Variants in PBRM1 observed in about 807,000 individuals in gnomAD.
The protein encoded by PBRM1 is protein polybromo-1.
Under a neutral mutation model 194.5 loss-of-function variants are expected in PBRM1, and 27 were observed. That is an observed-to-expected ratio of 0.14 (90% CI 0.10 to 0.19). PBRM1 has a LOEUF of 0.19. PBRM1 is among the 10% of genes least tolerant of loss of function. PBRM1 has a pLI of 1.00. For synonymous variants in PBRM1, 655 were observed against 693.2 expected, an observed-to-expected ratio of 0.94 and a Z score of 0.87; for missense variants, 1,466 against 2,077.2, an observed-to-expected ratio of 0.71 and a Z score of 5.72.
At chr3:52,684,470 A>G (rs1007104633), upstream of PBRM1, among the ~76,000 whole-genome samples, 1 of 152,196 alleles carries the variant, frequency 6.6e-6, no homozygotes, top group Non-Finnish European at 1.5e-5. Flanking sequence ...CATGTTTAAA[A>G]CAAAATCTTG....
In PBRM1 at chr3:52,587,803, C is replaced by T. The variant is rs908723390; in HGVS notation, c.2966-293G>A. 2.8e-4 allele frequency among the ~76,000 whole-genome samples: 3 copies of T among 10,882 alleles called. No homozygotes were observed. The African/African-American group carries it at 3.5e-3, about 13-fold the overall frequency. 7.1% of individuals were successfully genotyped at this position (10,882 alleles called of 152,430 possible). Reference sequence around the variant, plus strand: ...AGCACTGTGCTTATTTTTACAGCTACAGTTTAATATAATTATCCACAGGAG... The same window carrying T: ...AGCACTGTGCTTATTTTTACAGCTATAGTTTAATATAATTATCCACAGGAG... On this transcript the variant is annotated intron_variant, in intron 18 of 29. Coordinates refer to ENST00000296302, the Ensembl canonical transcript of PBRM1.
chr3:52,566,323 C>T (rs995745997), intron 22 of PBRM1, among the ~76,000 whole-genome samples: 3 of 152,036 alleles, frequency 2.0e-5, no homozygotes, highest in Non-Finnish European at 4.4e-5. Context: ...CATATGACCT[C>T]GCAATTCTAT....
At chr3:52,656,064 A>G (rs1185558589) in intron 5 of PBRM1, among the ~76,000 whole-genome samples, 6 of 152,198 alleles carry the variant, frequency 3.9e-5, no homozygotes, top group African/African-American at 1.4e-4. Flanking sequence ...GTACTTCTGA[A>G]AGTATATCCT....
In PBRM1 at chr3:52,653,639, T is replaced by C. The variant is rs2096552716; in HGVS notation, c.646-1829A>G. On this transcript the variant is annotated intron_variant, in intron 5 of 29. Transcript: ENST00000296302. Reference sequence around the variant, plus strand: ...AATGAAGCAAAATTCTGGTCAGGCATGGTGGCTCATGCCTGTAATCCCTGC... The same window carrying C: ...AATGAAGCAAAATTCTGGTCAGGCACGGTGGCTCATGCCTGTAATCCCTGC... Among the ~76,000 whole-genome samples the C allele has an allele frequency of 3.4e-5, 5 of 149,018 alleles. No individual in the cohort carries two copies. In the South Asian group the frequency reaches 1.1e-3, roughly 31 times the overall value.
chr3:52,671,433 T>G (rs541978711), intron 2 of PBRM1, among the ~76,000 whole-genome samples: 1 of 152,350 alleles, frequency 6.6e-6, no homozygotes, highest in South Asian at 2.1e-4. Context: ...GGACGGTATC[T>G]TCTATAAAAG....
intron 22 of PBRM1, among the ~76,000 whole-genome samples, chr3:52,570,847 A>G (rs934344017): frequency 3.3e-5 from 5 of 150,180 alleles, no homozygotes; most frequent in African/African-American, 9.8e-5. Context: ...GTGTGCGCAC[A>G]TGTGTGCACA....
chr3:52,682,735 T>C (rs1561187904), upstream of PBRM1, among the ~76,000 whole-genome samples: 1 of 152,164 alleles, frequency 6.6e-6, no homozygotes, highest in South Asian at 2.1e-4. Context: ...GTTGTCTGAT[T>C]AGTTGATGTA....
At chr3:52,586,209 C>T (rs1017336039) in intron 20 of PBRM1, 13 of 397,068 alleles carry the variant, frequency 3.3e-5, no homozygotes, top group Middle Eastern at 7.0e-4. Context: ...GCTGGGATTA[C>T]AGGCGTGAAC....
chr3:52,634,316 A>G (rs961611938), intron 11 of PBRM1, among the ~76,000 whole-genome samples: 2 of 151,668 alleles, frequency 1.3e-5, no homozygotes, highest in African/African-American at 4.8e-5. Flanking sequence ...GCGCACCTGT[A>G]GTCCCAGCTA....
At chr3:52,662,516 CA>C (rs1450991793) in intron 3 of PBRM1, among the ~76,000 whole-genome samples, 1 of 152,034 alleles carries the variant, frequency 6.6e-6, no homozygotes, top group Non-Finnish European at 1.5e-5. Context: ...AGGCAGAAGA[CA>C]AATGATTTGC....
At chr3:52,594,708 C>A (rs2093404377) in intron 17 of PBRM1, among the ~76,000 whole-genome samples, 1 of 152,152 alleles carries the variant, frequency 6.6e-6, no homozygotes, top group Admixed American at 6.5e-5. Flanking sequence ...TGTCTGGTAA[C>A]AGTCTTTCCT....
intron 10 of PBRM1, 77 bp downstream of exon 11, chr3:52,641,877 G>A (rs1264325956): frequency 3.2e-6 from 3 of 925,992 alleles, no homozygotes; most frequent in Non-Finnish European, 5.4e-6. Flanking sequence ...CCCTAGGCCA[G>A]AAAAAATCAC....
intron 27 of PBRM1, among the ~76,000 whole-genome samples, chr3:52,552,758 C>T (rs1009187849): frequency 6.6e-6 from 1 of 152,190 alleles, no homozygotes; most frequent in African/African-American, 2.4e-5. Flanking sequence ...TAAACTCCAG[C>T]CTGGTCTTAT....
chr3:52,564,881 G>C (rs1297795794), intron 22 of PBRM1, among the ~76,000 whole-genome samples: 1 of 152,178 alleles, frequency 6.6e-6, no homozygotes, highest in African/African-American at 2.4e-5. Context: ...GAATGCAGTT[G>C]AACTCCTACC....
exon 3 of PBRM1, chr3:52,668,551 A>C (rs2153985913): frequency 6.2e-7 from 1 of 1,607,916 alleles, no homozygotes; most frequent in Middle Eastern, 1.7e-4. Context: ...GCAGTCAGCA[A>C]ATTAACATCA....
chr3:52,638,244 T>C (rs1385889145), intron 10 of PBRM1, among the ~76,000 whole-genome samples: 11 of 152,232 alleles, frequency 7.2e-5, no homozygotes, highest in South Asian at 2.1e-4. Flanking sequence ...CAGGTTATGT[T>C]AGATTCACAG....
At chr3:52,649,764 C>T (rs1344418959) in intron 6 of PBRM1, among the ~76,000 whole-genome samples, 2 of 152,062 alleles carry the variant, frequency 1.3e-5, no homozygotes, top group East Asian at 3.8e-4. Context: ...AGCCAAGACA[C>T]AGAAAGGACT....
chr3:52,586,391 T>C, intron 20 of PBRM1, 34 bp downstream of exon 22: 1 of 1,563,428 alleles, frequency 6.4e-7, no homozygotes, highest in South Asian at 1.2e-5. Flanking sequence ...TTTTGAGATG[T>C]AAAATTTTTT....
At chr3:52,606,201 G>T (rs1431424742) in intron 16 of PBRM1, among the ~76,000 whole-genome samples, 1 of 151,780 alleles carries the variant, frequency 6.6e-6, no homozygotes, top group Admixed American at 6.6e-5. Flanking sequence ...GCTAAGGAAG[G>T]TCTTGCTATA....
Sources: allele counts gnomAD v4.1 joint callset (sites outside exome capture counted in the v4.1 genomes callset), GRCh38; gene constraint gnomAD v4.1.1; transcripts MANE v1.5; gene names NCBI Gene and HGNC (gene_info 2026-07-23, HGNC 2026-07-21).